The following TRAF5 variants were observed in gnomAD, a reference collection of about 807,000 sequenced individuals.
TRAF5 encodes the protein TNF receptor-associated factor 5.
In TRAF5, 48 loss-of-function variants were observed where a neutral mutation model predicts 64.5. The observed-to-expected ratio is 0.74, with a 90% CI of 0.59 to 0.95. TRAF5 has a LOEUF of 0.95. Among genes scored for constraint, TRAF5 ranks in the 40% least tolerant of loss-of-function variants. The pLI, the probability that TRAF5 is intolerant of heterozygous loss-of-function variation, is 0.00. For missense variants in TRAF5, 545 were observed against 662.8 expected (o/e 0.82, Z 1.95); for synonymous variants, 206 against 240.5 (o/e 0.86, Z 1.33).
At chr1:211,345,982 G>A (rs1043819665) in intron 1 of TRAF5, among the ~76,000 whole-genome samples, 1 of 152,262 alleles carries the variant, frequency 6.6e-6, no homozygotes, top group Non-Finnish European at 1.5e-5. Context: ...CAGAGCAAGA[G>A]TAGGGGGTGG....
intron 7 of TRAF5, among the ~76,000 whole-genome samples, chr1:211,361,938 G>C (rs2920907): frequency 0.88 from 134,442 of 151,934 alleles, 60,214 homozygotes; most frequent in Middle Eastern, 0.98. Context: ...CTCAGGCGAT[G>C]CGCCTGCCTC....
At chr1:211,370,774 A>C (rs983782104) in intron 9 of TRAF5, among the ~76,000 whole-genome samples, 4 of 152,208 alleles carry the variant, frequency 2.6e-5, no homozygotes, top group Non-Finnish European at 5.9e-5. Flanking sequence ...TATATTGTAC[A>C]CACATAGGAA....
intron 9 of TRAF5, among the ~76,000 whole-genome samples, chr1:211,370,815 C>T (rs1214460362): frequency 1.3e-5 from 2 of 152,130 alleles, no homozygotes; most frequent in Non-Finnish European, 2.9e-5. Flanking sequence ...TAGTCTCTTC[C>T]ACCTGAGAGA....
chr1:211,348,030 C>T (rs1215733021), intron 1 of TRAF5, among the ~76,000 whole-genome samples: 1 of 152,238 alleles, frequency 6.6e-6, no homozygotes, highest in Non-Finnish European at 1.5e-5. Context: ...CCCTGACACA[C>T]TTTCAGGGGA....
chr1:211,356,737 A>G, intron 4 of TRAF5: 1 of 319,266 alleles, frequency 3.1e-6, no homozygotes, highest in Non-Finnish European at 5.9e-6. Flanking sequence ...CATTGAGCCA[A>G]AAGAGAGGGC....
intron 7 of TRAF5, 115 bp downstream of exon 7, chr1:211,361,277 T>C: frequency 1.1e-6 from 1 of 871,888 alleles, no homozygotes; most frequent in East Asian, 2.6e-5. Context: ...TCTGAGAAAT[T>C]TAAGGCTAAT....
chr1:211,335,927 A>T (rs915979562), intron 1 of TRAF5, among the ~76,000 whole-genome samples: 1 of 151,622 alleles, frequency 6.6e-6, no homozygotes, highest in Non-Finnish European at 1.5e-5. Context: ...ATGCAGGGAG[A>T]TTTGCAGGTG....
intron 1 of TRAF5, chr1:211,346,473 C>G (rs1702610206): frequency 1.0e-6 from 1 of 979,614 alleles, no homozygotes; most frequent in Non-Finnish European, 1.2e-6. Context: ...CCTTTTCACT[C>G]TGGGATTTTA....
chr1:211,369,520 G>T lies in TRAF5; in HGVS notation c.858G>T (p.Lys286Asn). Residue 286 changes from lysine to asparagine, a missense_variant, in exon 9 of 11, where the codon AAG becomes AAT. Lys to Asn is a moderately conservative substitution (Grantham distance 94). Transcript: ENST00000261464. Reference protein sequence around the residue: ...SKIQQLAETIKKLEKEFKQFA... With the variant: ...SKIQQLAETINKLEKEFKQFA... ...TCCAGCAGCTAGCAGAAACTATAAA[G>T]AAACTTGAAAAGGAGTTCAAGCAGT... 6.2e-7 allele frequency: 1 copy of T among 1,611,556 alleles called. No individual in the cohort carries two copies. The highest frequency in any genetic ancestry group is 1.3e-5 in the African/African-American group (1 of 74,886).
intron 9 of TRAF5, 86 bp downstream of exon 9, chr1:211,369,678 A>G (rs1703460743): frequency 7.6e-7 from 1 of 1,318,426 alleles, no homozygotes; most frequent in Non-Finnish European, 1.0e-6. Context: ...AATAGAAATA[A>G]TTTAAAATAT....
intron 1 of TRAF5, among the ~76,000 whole-genome samples, chr1:211,351,026 CTCT>C (rs1175262599): frequency 7.9e-6 from 1 of 127,174 alleles, no homozygotes; most frequent in African/African-American, 2.7e-5. Flanking sequence ...TGTCTCTGGC[CTCT>C]TCTTTTTTTT....
chr1:211,337,112 T>C lies in TRAF5; in HGVS notation c.-2+10223T>C, dbSNP rs118043567. 5.8e-4 allele frequency among the ~76,000 whole-genome samples: 89 copies of C among 152,340 alleles called. No homozygotes were observed. In the East Asian group the frequency reaches 0.016, roughly 27 times the overall value. On this transcript the variant is annotated intron_variant, in intron 1 of 10. Coordinates refer to ENST00000261464, the MANE Select transcript of TRAF5 (RefSeq NM_001033910.3). ...TGCTGGAGCTTATATTCTATTCTGA[T>C]AGGGGAAGACAGAGAGCAAAGACAT...
At chr1:211,329,633 G>C (rs1702107304) in intron 1 of TRAF5, among the ~76,000 whole-genome samples, 1 of 152,206 alleles carries the variant, frequency 6.6e-6, no homozygotes, top group Admixed American at 6.5e-5. Flanking sequence ...AGGAGGATGA[G>C]AGAACCAGCG....
At position 211,360,170 on chromosome 1, in the gene TRAF5, T is replaced by C. The variant is rs1353531054; in HGVS notation, c.543+94T>C. 4 of 1,319,024 alleles carry C rather than the reference T, an allele frequency of 3.0e-6. No individual in the cohort carries two copies. The Admixed American group carries it at 5.8e-5, about 19-fold the overall frequency. 81.7% of individuals were successfully genotyped at this position (1,319,024 alleles called of 1,614,324 possible). A position where few individuals can be genotyped will look rare whatever the true frequency, so the allele number is the denominator to read the frequency against. ...AGGTGGAATGCCAGAAGAACATTCC[T>C]GCATTTATTTTTGTACAGAATTAGG... On this transcript the variant is annotated intron_variant, in intron 5 of 10. Transcript: ENST00000261464.
intron 7 of TRAF5, among the ~76,000 whole-genome samples, chr1:211,363,910 CAAAAAA>C (rs35539677): frequency 1.2e-5 from 1 of 85,740 alleles, no homozygotes; most frequent in Non-Finnish European, 2.3e-5. Flanking sequence ...GACCCTGTCT[CAAAAAA>C]AAAAAAAAAA....
intron 1 of TRAF5, among the ~76,000 whole-genome samples, chr1:211,336,906 A>G (rs775440905): frequency 6.6e-6 from 1 of 151,326 alleles, no homozygotes; most frequent in Non-Finnish European, 1.5e-5. Context: ...TGATCCGCTC[A>G]CCTCGGCCTT....
In TRAF5 at chr1:211,372,380, A is replaced by G; in HGVS notation, c.1352A>G (p.Asp451Gly). ...RLCARAYLNG[D>G]GSGRGSHLSL... ...TGTGCTAGAGCATACCTGAATGGGG[A>G]TGGGTCAGGGAGGGGGTCACACCTG... The change falls in exon 11 of 11, where the codon GAT becomes GGT. Residue 451 changes from aspartate to glycine, a missense_variant. Transcript: ENST00000261464. The G allele has an allele frequency of 1.2e-6, 2 of 1,614,086 alleles. No homozygotes were observed. The highest frequency in any genetic ancestry group is 2.2e-5 in the South Asian group (2 of 91,074).
At chr1:211,372,098 A>G (rs199620992) in intron 10 of TRAF5, 30 bp from the exon 11 acceptor site, 2 of 1,314,616 alleles carry the variant, frequency 1.5e-6, no homozygotes, top group East Asian at 2.5e-5. Context: ...GGCCTATGGA[A>G]TCTTTTTTTT....
intron 1 of TRAF5, among the ~76,000 whole-genome samples, chr1:211,339,488 C>T (rs1702389031): frequency 6.6e-6 from 1 of 152,046 alleles, no homozygotes; most frequent in Non-Finnish European, 1.5e-5. Flanking sequence ...ACAGTGAAAC[C>T]CTTGGGTAGC....
Sources: gnomAD v4.1 joint callset for allele counts (sites outside exome capture counted in the v4.1 genomes callset) on GRCh38, gnomAD v4.1.1 for gene constraint, MANE v1.5 for transcripts, NCBI Gene and HGNC (gene_info 2026-07-23, HGNC 2026-07-21) for gene names.